The following CASR variants were observed in gnomAD, a reference collection of about 807,000 sequenced individuals.
CASR encodes extracellular calcium-sensing receptor.
In CASR, 23 loss-of-function variants were observed where a neutral mutation model predicts 69.1. The ratio of observed to expected loss-of-function variants is 0.33; its 90% CI spans 0.24 to 0.47. The LOEUF (loss-of-function observed/expected upper bound fraction) is 0.47, where lower values mean the gene tolerates loss of function less well. CASR is among the 20% of genes least tolerant of loss of function. CASR has a pLI of 1.00. For missense variants in CASR, 924 were observed against 1,356.1 expected (o/e 0.68, Z 5.00); for synonymous variants, 541 against 544.7 (o/e 0.99, Z 0.10).
intron 1 of CASR, among the ~76,000 whole-genome samples, chr3:122,217,029 G>T (rs1287542930): frequency 6.6e-6 from 1 of 152,182 alleles, no homozygotes; most frequent in African/African-American, 2.4e-5. Context: ...TCTAACAAAG[G>T]AGACAAACAG....
chr3:122,229,338 G>A (rs1428946938), intron 1 of CASR, among the ~76,000 whole-genome samples: 1 of 152,044 alleles, frequency 6.6e-6, no homozygotes, highest in Non-Finnish European at 1.5e-5. Context: ...TTTCTATTTA[G>A]GTGAGTTTAT....
intron 1 of CASR, among the ~76,000 whole-genome samples, chr3:122,251,532 C>G (rs1343727265): frequency 6.6e-6 from 1 of 152,192 alleles, no homozygotes; most frequent in African/African-American, 2.4e-5. Context: ...CCCAGACATG[C>G]CCTGCAATTA....
At chr3:122,264,023 A>G (rs1008422049) in intron 4 of CASR, among the ~76,000 whole-genome samples, 3 of 152,070 alleles carry the variant, frequency 2.0e-5, no homozygotes, top group Non-Finnish European at 4.4e-5. Flanking sequence ...TCAAGGGGGA[A>G]ACTTGGCAGT....
In CASR at chr3:122,258,545, G is replaced by A. The variant is rs576123676; in HGVS notation, c.492+1158G>A. Among the ~76,000 whole-genome samples, 7 of 152,116 alleles carry A rather than the reference G, an allele frequency of 4.6e-5. No individual in the cohort carries two copies. In the South Asian group the frequency reaches 6.2e-4, roughly 14 times the overall value. On this transcript the variant is annotated intron_variant, in intron 3 of 6. Coordinates refer to ENST00000639785, the MANE Select transcript of CASR (RefSeq NM_000388.4). ...AAGCCTGTATCAGTAAATGTGCTGC[G>A]TATATTCAAACTTAGATACACGTTA...
chr3:122,281,439 G>A (rs1181550363), intron 5 of CASR, among the ~76,000 whole-genome samples: 1 of 152,174 alleles, frequency 6.6e-6, no homozygotes, highest in African/African-American at 2.4e-5. Flanking sequence ...AGTGGTGATA[G>A]TGGATATCCT....
intron 1 of CASR, among the ~76,000 whole-genome samples, chr3:122,251,616 A>G (rs921573694): frequency 2.0e-5 from 3 of 152,218 alleles, no homozygotes; most frequent in African/African-American, 7.2e-5. Flanking sequence ...AAGGAGGGGA[A>G]CAGCAAGTGT....
intron 1 of CASR, among the ~76,000 whole-genome samples, chr3:122,224,255 T>C (rs1324551884): frequency 6.6e-6 from 1 of 152,142 alleles, no homozygotes; most frequent in Non-Finnish European, 1.5e-5. Context: ...TCAAGGTTTC[T>C]CTCTTCACAA....
intron 4 of CASR, among the ~76,000 whole-genome samples, chr3:122,263,319 G>C (rs2074649918): frequency 6.6e-6 from 1 of 152,306 alleles, no homozygotes; most frequent in South Asian, 2.1e-4. Flanking sequence ...AACCATGGCT[G>C]TAAGTCACAG....
chr3:122,276,442 G>T (rs1040945788), intron 5 of CASR, among the ~76,000 whole-genome samples: 3 of 152,136 alleles, frequency 2.0e-5, no homozygotes, highest in Non-Finnish European at 2.9e-5. Flanking sequence ...GACTGCTTTT[G>T]GGTTGTCACA....
rs767641622 is a variant in CASR, at chr3:122,286,608, A to G, written c.*1417A>G. ...CACTGATCACAATCACTCTCTCTGT[A>G]ATAAGCCCAAGAGCTCTGGGCCCAA... On this transcript the variant is annotated 3_prime_UTR_variant, in exon 7 of 7. Coordinates refer to ENST00000639785, the MANE Select transcript of CASR (RefSeq NM_000388.4). The G allele has an allele frequency of 6.6e-6, 1 of 152,204 alleles. No homozygotes were observed. Among genetic ancestry groups the G allele is most frequent in the Non-Finnish European group, 1.5e-5 (1 of 68,024 alleles). The allele number at this position is 152,204 out of a possible 1,614,324, so 9.4% of individuals were successfully genotyped here. A position where few individuals can be genotyped will look rare whatever the true frequency, so the allele number is the denominator to read the frequency against.
intron 1 of CASR, among the ~76,000 whole-genome samples, chr3:122,239,783 T>C (rs1341162425): frequency 1.3e-5 from 2 of 152,178 alleles, no homozygotes; most frequent in African/African-American, 2.4e-5. Flanking sequence ...TCTGGTACTA[T>C]AGAGAATTCT....
At chr3:122,202,109 T>G (rs899680961) in intron 1 of CASR, among the ~76,000 whole-genome samples, 14 of 152,034 alleles carry the variant, frequency 9.2e-5, no homozygotes, top group African/African-American at 3.4e-4. Flanking sequence ...ATCACGCCAC[T>G]GCACTCCAGC....
At chr3:122,186,145 A>G (rs575666175) in intron 1 of CASR, among the ~76,000 whole-genome samples, 7 of 152,326 alleles carry the variant, frequency 4.6e-5, no homozygotes, top group African/African-American at 1.7e-4. Context: ...CTGAATTAGC[A>G]GGTTCTTTAG....
chr3:122,245,638 A>T (rs1425088180), intron 1 of CASR, among the ~76,000 whole-genome samples: 1 of 148,822 alleles, frequency 6.7e-6, no homozygotes, highest in Non-Finnish European at 1.5e-5. Flanking sequence ...GTATAATAAT[A>T]AAAAAAAAAG....
At chr3:122,201,036 T>C (rs1260268348) in intron 1 of CASR, among the ~76,000 whole-genome samples, 3 of 130,582 alleles carry the variant, frequency 2.3e-5, no homozygotes, top group African/African-American at 8.7e-5. Flanking sequence ...CATTCTTGGG[T>C]GTTTCTCGCA....
rs757023913 is a variant in CASR, at chr3:122,288,648, T to C, written c.*3457T>C. 6.6e-6 allele frequency: 1 copy of C among 152,076 alleles called. No individual in the cohort carries two copies. The highest frequency in any genetic ancestry group is 1.5e-5 in the Non-Finnish European group (1 of 68,020). 9.4% of individuals were successfully genotyped at this position (152,076 alleles called of 1,614,324 possible). A position where few individuals can be genotyped will look rare whatever the true frequency, so the allele number is the denominator to read the frequency against. On this transcript the variant is annotated 3_prime_UTR_variant, in exon 7 of 7. Coordinates refer to ENST00000639785, the MANE Select transcript of CASR (RefSeq NM_000388.4). Reference sequence around the variant, plus strand: ...TCTAAGTCTTTGCTGGCTTTGGTTATAGAAAATACACAGCCGTGTTGTCTC... The same window carrying C: ...TCTAAGTCTTTGCTGGCTTTGGTTACAGAAAATACACAGCCGTGTTGTCTC...
At chr3:122,212,136 T>C (rs993765338) in intron 1 of CASR, among the ~76,000 whole-genome samples, 7 of 152,080 alleles carry the variant, frequency 4.6e-5, no homozygotes, top group African/African-American at 1.7e-4. Context: ...CCGTGCACAA[T>C]AACAAAGACA....
intron 1 of CASR, among the ~76,000 whole-genome samples, chr3:122,239,743 AG>A (rs2074362631): frequency 6.6e-6 from 1 of 152,196 alleles, no homozygotes; most frequent in South Asian, 2.1e-4. Context: ...TTTGTTTTGG[AG>A]GAAGTAAGGA....
At chr3:122,245,528 G>A (rs1576845410) in intron 1 of CASR, 1 of 152,192 alleles carries the variant, frequency 6.6e-6, no homozygotes, top group African/African-American at 2.4e-5. Context: ...AGGAATGATA[G>A]GCATGTGGTT....
Sources: allele counts gnomAD v4.1 joint callset (sites outside exome capture counted in the v4.1 genomes callset), GRCh38; gene constraint gnomAD v4.1.1; transcripts MANE v1.5; gene names NCBI Gene and HGNC (gene_info 2026-07-23, HGNC 2026-07-21).